Variants in RORA observed in about 807,000 individuals in gnomAD.
RORA encodes nuclear receptor ROR-alpha.
A neutral mutation model predicts 69.5 loss-of-function variants in RORA; 7 were observed. That is an observed-to-expected ratio of 0.10 (90% CI 0.06 to 0.19). RORA has a LOEUF of 0.19. Among genes scored for constraint, RORA ranks in the 10% least tolerant of loss-of-function variants. The pLI is 1.00. For synonymous variants in RORA, 261 were observed against 240.8 expected (o/e 1.08, Z -0.78); for missense variants, 457 against 663.0 (o/e 0.69, Z 3.41).
intron 2 of RORA, among the ~76,000 whole-genome samples, chr15:60,655,332 C>A (rs191995160): frequency 6.6e-6 from 1 of 152,096 alleles, no homozygotes; most frequent in East Asian, 1.9e-4. Context: ...AAGGCCCCAG[C>A]GGTTACAGAG....
chr15:60,668,565 C>A (rs192358548), intron 2 of RORA, among the ~76,000 whole-genome samples: 2 of 152,270 alleles, frequency 1.3e-5, no homozygotes, highest in African/African-American at 4.8e-5. Flanking sequence ...ATTTCATTGG[C>A]CTCGGGGGAC....
At chr15:60,813,491 G>A (rs530241294) in intron 1 of RORA, among the ~76,000 whole-genome samples, 2 of 152,180 alleles carry the variant, frequency 1.3e-5, no homozygotes, top group Non-Finnish European at 2.9e-5. Flanking sequence ...CAGGTAATGT[G>A]TTAGGAGCTC....
intron 1 of RORA, among the ~76,000 whole-genome samples, chr15:60,851,464 A>T (rs1481390986): frequency 1.3e-5 from 2 of 152,026 alleles, no homozygotes; most frequent in African/African-American, 4.8e-5. Flanking sequence ...AGTGGGGAGG[A>T]CATGTGAGGT....
chr15:60,968,324 A>ATGCACC (rs1214899617), intron 1 of RORA, among the ~76,000 whole-genome samples: 1 of 152,200 alleles, frequency 6.6e-6, no homozygotes, highest in African/African-American at 2.4e-5. Context: ...AAACATACGC[A>ATGCACC]TGCACCAAAA....
chr15:60,525,254 G>C (rs2066312109), intron 3 of RORA, among the ~76,000 whole-genome samples: 1 of 152,160 alleles, frequency 6.6e-6, no homozygotes, highest in Admixed American at 6.5e-5. Context: ...AAATATGCCT[G>C]GCACTTCCTA....
intron 1 of RORA, among the ~76,000 whole-genome samples, chr15:61,125,136 T>C (rs551790223): frequency 6.6e-6 from 1 of 152,330 alleles, no homozygotes; most frequent in South Asian, 2.1e-4. Context: ...CTGTACCTTT[T>C]TGGTCCACTA....
chr15:60,904,462 A>T (rs1026492487), intron 1 of RORA, among the ~76,000 whole-genome samples: 1 of 152,204 alleles, frequency 6.6e-6, no homozygotes, highest in East Asian at 1.9e-4. Flanking sequence ...ATGGAAAAGA[A>T]GGGTCACTGT....
intron 2 of RORA, among the ~76,000 whole-genome samples, chr15:60,676,466 C>G (rs1171380157): frequency 6.6e-6 from 1 of 152,170 alleles, no homozygotes; most frequent in Non-Finnish European, 1.5e-5. Context: ...TGGGCCCTCT[C>G]CCCCAATCAT....
intron 2 of RORA, chr15:60,558,308 T>A: frequency 6.2e-7 from 1 of 1,607,340 alleles, no homozygotes; most frequent in Non-Finnish European, 8.5e-7. Context: ...AGTTCATCCC[T>A]GGAACGAAAA....
At chr15:60,828,796 C>T (rs1292245144) in intron 1 of RORA, among the ~76,000 whole-genome samples, 1 of 152,192 alleles carries the variant, frequency 6.6e-6, no homozygotes, top group Non-Finnish European at 1.5e-5. Context: ...GATTCTCTCT[C>T]ATGATCAGAC....
intron 1 of RORA, among the ~76,000 whole-genome samples, chr15:61,054,247 G>A (rs1325770322): frequency 4.0e-5 from 6 of 151,590 alleles, no homozygotes; most frequent in East Asian, 3.9e-4. Flanking sequence ...AAGAGGAAAC[G>A]TATGGTAATG....
chr15:60,779,407 G>A (rs1402060049), intron 1 of RORA, among the ~76,000 whole-genome samples: 1 of 152,156 alleles, frequency 6.6e-6, no homozygotes, highest in Non-Finnish European at 1.5e-5. Flanking sequence ...GCAGTCTAAT[G>A]CATCTCTCCA....
At chr15:60,506,469 A>C (rs1209397522) in intron 5 of RORA, among the ~76,000 whole-genome samples, 1 of 152,240 alleles carries the variant, frequency 6.6e-6, no homozygotes, top group Non-Finnish European at 1.5e-5. Context: ...ACGTATGAAC[A>C]CACTGGAAGG....
chr15:60,575,408 G>C (rs969966422), intron 2 of RORA, among the ~76,000 whole-genome samples: 1 of 152,220 alleles, frequency 6.6e-6, no homozygotes, highest in Admixed American at 6.5e-5. Flanking sequence ...TAAGGTCATA[G>C]GTCCAGTTTA....
intron 1 of RORA, among the ~76,000 whole-genome samples, chr15:60,826,212 C>G (rs1030474885): frequency 1.3e-5 from 2 of 152,122 alleles, no homozygotes; most frequent in African/African-American, 2.4e-5. Flanking sequence ...ACATGCTTGG[C>G]ACTTTTTACA....
chr15:60,500,112 A>C (rs1051058530), intron 9 of RORA, 108 bp from the exon 10 acceptor site: 2 of 668,954 alleles, frequency 3.0e-6, no homozygotes, highest in Non-Finnish European at 5.0e-6. Flanking sequence ...GAATATTTAG[A>C]GACTCAGAGG....
chr15:61,117,581 T>C (rs1188773646), intron 1 of RORA, among the ~76,000 whole-genome samples: 1 of 152,254 alleles, frequency 6.6e-6, no homozygotes. Context: ...CCATGCTTCA[T>C]CTTTTATACT....
chr15:61,078,331 G>C (rs112280824), intron 1 of RORA, among the ~76,000 whole-genome samples: 1 of 77,020 alleles, frequency 1.3e-5, no homozygotes, highest in African/African-American at 7.1e-5. Flanking sequence ...ACCTGGCTCT[G>C]TGTGTGTGTG....
intron 1 of RORA, among the ~76,000 whole-genome samples, chr15:60,837,933 G>T (rs1272994022): frequency 6.6e-6 from 1 of 152,220 alleles, no homozygotes; most frequent in African/African-American, 2.4e-5. Context: ...CTGTGTCCTT[G>T]TTGCCTAGCA....
Sources: gnomAD v4.1 joint callset for allele counts (sites outside exome capture counted in the v4.1 genomes callset) on GRCh38, gnomAD v4.1.1 for gene constraint, MANE v1.5 for transcripts, NCBI Gene and HGNC (gene_info 2026-07-23, HGNC 2026-07-21) for gene names.